Variants in CDKL5 observed in about 807,000 individuals in gnomAD.
The protein encoded by CDKL5 is cyclin dependent kinase like 5.
A neutral mutation model predicts 61.7 loss-of-function variants in CDKL5; 8 were observed. The ratio of observed to expected loss-of-function variants is 0.13; its 90% CI spans 0.08 to 0.23. The LOEUF (loss-of-function observed/expected upper bound fraction) is 0.23, where lower values mean the gene tolerates loss of function less well. Among genes scored for constraint, CDKL5 ranks in the 10% least tolerant of loss-of-function variants. The pLI is 1.00. For synonymous variants in CDKL5, 275 were observed against 272.3 expected (o/e 1.01, Z -0.10); for missense variants, 440 against 734.5 (o/e 0.60, Z 4.63).
In CDKL5 at chrX:18,546,261, T is replaced by C. The variant is rs1026342388; in HGVS notation, c.100-18216T>C. On this transcript the variant is annotated intron_variant, in intron 3 of 17. Coordinates refer to ENST00000623535, the MANE Select transcript of CDKL5 (RefSeq NM_001323289.2). ...AGTTACATATCTTCTACTTCTTCTT[T>C]TTTTTTTTTTTTTTTTTGAGACAGA... 2.1e-4 allele frequency among the ~76,000 whole-genome samples: 22 copies of C among 102,939 alleles called. No individual in the cohort carries two copies. The East Asian group carries it at 2.4e-3, about 11-fold the overall frequency. 89.4% of individuals were successfully genotyped at this position (102,939 alleles called of 115,157 possible). A position where few individuals can be genotyped will look rare whatever the true frequency, so the allele number is the denominator to read the frequency against.
chrX:18,561,721 T>C (rs956834988), intron 3 of CDKL5, among the ~76,000 whole-genome samples: 3 of 110,614 alleles, frequency 2.7e-5, no homozygotes, highest in African/African-American at 9.8e-5. Context: ...CAACTAAAAA[T>C]TTCTGGTAAA....
chrX:18,509,273 G>GTAGTT (rs1182031556), intron 2 of CDKL5, among the ~76,000 whole-genome samples: 1 of 105,595 alleles, frequency 9.5e-6, no homozygotes, highest in Non-Finnish European at 1.9e-5. Context: ...CTGCATTCTT[G>GTAGTT]TAGTTTAGAC....
At chrX:18,576,833 TA>T (rs1045562214) in intron 5 of CDKL5, among the ~76,000 whole-genome samples, 23 of 107,104 alleles carry the variant, frequency 2.1e-4, no homozygotes, top group South Asian at 1.7e-3. Context: ...AAAGTTCTAT[TA>T]AAAAAAAAGG....
intron 1 of CDKL5, among the ~76,000 whole-genome samples, chrX:18,487,699 T>C (rs1213548795): frequency 8.9e-6 from 1 of 112,913 alleles, no homozygotes; most frequent in Non-Finnish European, 1.9e-5. Flanking sequence ...GAGGATCACT[T>C]GAGGTCAGGA....
intron 1 of CDKL5, among the ~76,000 whole-genome samples, chrX:18,464,847 T>C (rs1453063046): frequency 8.9e-6 from 1 of 112,033 alleles, no homozygotes; most frequent in Non-Finnish European, 1.9e-5. Flanking sequence ...TTTGTTATCA[T>C]GTGTTGGCCA....
rs375761798 is a variant in CDKL5 at position 18,533,479 on chromosome X, A to G, written c.99+22625A>G. ...TCATGTATTATGACAGTACCCTAGA[A>G]GAAACCCACAAGAATGAACACAATG... On this transcript the variant is annotated intron_variant, in intron 3 of 17. Coordinates refer to ENST00000623535, the MANE Select transcript of CDKL5 (RefSeq NM_001323289.2). 9.8e-5 allele frequency among the ~76,000 whole-genome samples: 11 copies of G among 111,735 alleles called. No individual in the cohort carries two copies. In the East Asian group the frequency reaches 1.4e-3, roughly 14 times the overall value.
chrX:18,500,847 T>A lies in CDKL5; in HGVS notation c.-162-6088T>A, dbSNP rs185613063. Among the ~76,000 whole-genome samples, 956 of 111,218 alleles carry A rather than the reference T, an allele frequency of 8.6e-3. 10 individuals carry two copies. The highest frequency in any genetic ancestry group is 0.029 in the African/African-American group (889 of 30,578). On this transcript the variant is annotated intron_variant, in intron 1 of 17. Transcript: ENST00000623535. ...CCACTCACATCATTATTATTTTTTT[T>A]ATTTGTTTTGAGACCGACTCTCCTT...
At chrX:18,537,203 A>G (rs1923872465) in intron 3 of CDKL5, among the ~76,000 whole-genome samples, 1 of 111,380 alleles carries the variant, frequency 9.0e-6, no homozygotes, top group Non-Finnish European at 1.9e-5. Flanking sequence ...AGGAATAATC[A>G]CAGTTATTTA....
At chrX:18,643,482 A>C (rs758660102), downstream of CDKL5, among the ~76,000 whole-genome samples, 1 of 112,578 alleles carries the variant, frequency 8.9e-6, no homozygotes, top group South Asian at 3.7e-4. Flanking sequence ...TGCAGGGGTG[A>C]AGTGCCTCTT....
chrX:18,535,430 G>A lies in CDKL5; in HGVS notation c.99+24576G>A, dbSNP rs2238956. The stretch of plus-strand genomic sequence containing the variant: ...GAAGTTGCCCAAATTGATGATGTCA[G>A]TGTGGAGATGCACTTGCAGGGAATT... On this transcript the variant is annotated intron_variant, in intron 3 of 17. Coordinates refer to ENST00000623535, the MANE Select transcript of CDKL5 (RefSeq NM_001323289.2). 1,096 of 112,353 alleles carry A rather than the reference G, an allele frequency of 9.8e-3. 57 individuals carry two copies. In the East Asian group the frequency reaches 0.18, roughly 19 times the overall value. 9.3% of individuals were successfully genotyped at this position (112,353 alleles called of 1,213,427 possible).
chrX:18,440,687 G>A (rs1165620821), intron 1 of CDKL5, among the ~76,000 whole-genome samples: 3 of 111,667 alleles, frequency 2.7e-5, no homozygotes, highest in South Asian at 7.5e-4. Flanking sequence ...TGGTCAGGCT[G>A]GTCTCGAACT....
At chrX:18,548,238 A>G (rs920121154) in intron 3 of CDKL5, among the ~76,000 whole-genome samples, 3 of 110,616 alleles carry the variant, frequency 2.7e-5, no homozygotes, top group Non-Finnish European at 3.8e-5. Context: ...AAAAAGGAGA[A>G]AAAAGGGAGG....
At chrX:18,492,594 C>G (rs1010179734) in intron 1 of CDKL5, among the ~76,000 whole-genome samples, 3 of 111,270 alleles carry the variant, frequency 2.7e-5, no homozygotes, top group African/African-American at 9.8e-5. Flanking sequence ...AAGCCCAAAA[C>G]CAAGAAGTTA....
intron 3 of CDKL5, among the ~76,000 whole-genome samples, chrX:18,516,047 G>A (rs1364469993): frequency 9.2e-6 from 1 of 108,852 alleles, no homozygotes; most frequent in Non-Finnish European, 1.9e-5. Context: ...GAGTGCAGTG[G>A]CACAATCTCT....
At chrX:18,649,579 A>G (rs1191358341) in intron 20 of CDKL5, among the ~76,000 whole-genome samples, 3 of 111,686 alleles carry the variant, frequency 2.7e-5, no homozygotes, top group East Asian at 2.8e-4. Flanking sequence ...TCTCACTAGT[A>G]TCTGCAGCTC....
chrX:18,511,686 CTAA>C (rs1464197720), intron 3 of CDKL5, among the ~76,000 whole-genome samples: 1 of 110,882 alleles, frequency 9.0e-6, no homozygotes, highest in African/African-American at 3.3e-5. Flanking sequence ...TAAAAATCAC[CTAA>C]TGACATATTT....
Position 18,561,142 on chromosome X carries a change from C to T in CDKL5, c.100-3335C>T, listed in dbSNP as rs1383782051. ...TAAGTTGCTTTAATAAGCATACAGA[C>T]TCTGGTGTCTGTGATGTGAATGGCA... On this transcript the variant is annotated intron_variant, in intron 3 of 17. Coordinates refer to ENST00000623535, the MANE Select transcript of CDKL5 (RefSeq NM_001323289.2). Among the ~76,000 whole-genome samples, 6 of 111,631 alleles carry T rather than the reference C, an allele frequency of 5.4e-5. No individual in the cohort carries two copies. In the East Asian group the frequency reaches 1.7e-3, roughly 31 times the overall value.
intron 3 of CDKL5, 129 bp downstream of exon 3, chrX:18,510,983 GTTTTGGATTT>G: frequency 1.9e-6 from 1 of 519,075 alleles, no homozygotes; most frequent in Non-Finnish European, 3.2e-6. Flanking sequence ...GACCAGAAAT[GTTTTGGATTT>G]TTTTGGATTT....
intron 4 of CDKL5, among the ~76,000 whole-genome samples, chrX:18,570,649 A>G (rs1360193251): frequency 1.8e-5 from 2 of 111,783 alleles, no homozygotes; most frequent in African/African-American, 6.5e-5. Flanking sequence ...TTGTGATTTC[A>G]CAAAGTAGGT....
Sources: allele counts gnomAD v4.1 joint callset (sites outside exome capture counted in the v4.1 genomes callset), GRCh38; gene constraint gnomAD v4.1.1; transcripts MANE v1.5; gene names NCBI Gene and HGNC (gene_info 2026-07-23, HGNC 2026-07-21).